TSHZ2: variants seen among roughly 807,000 people sequenced by gnomAD.
TSHZ2 encodes the protein teashirt zinc finger homeobox 2.
TSHZ2 carries 21 observed loss-of-function variants against 74.4 expected under a neutral mutation model. The ratio of observed to expected loss-of-function variants is 0.28; its 90% confidence interval spans 0.20 to 0.41. The LOEUF is 0.41. Ranked by LOEUF, TSHZ2 falls within the 10% of genes least tolerant of loss-of-function variation. The pLI, the probability that TSHZ2 is intolerant of heterozygous loss-of-function variation, is 1.00. For missense variants in TSHZ2, 1,244 were observed against 1,293.5 expected, an observed-to-expected ratio of 0.96 and a Z score of 0.59; for synonymous variants, 540 against 515.3, an observed-to-expected ratio of 1.05 and a Z score of -0.65.
chr20:53,227,180 A>G (rs1393626552), intron 1 of TSHZ2, among the ~76,000 whole-genome samples: 1 of 152,026 alleles, frequency 6.6e-6, no homozygotes, highest in East Asian at 1.9e-4. Context: ...AGATGATAAT[A>G]TATGTATGAG....
intron 2 of TSHZ2, among the ~76,000 whole-genome samples, chr20:53,449,687 C>CTACCCCCTT: frequency 6.6e-6 from 1 of 151,998 alleles, no homozygotes; most frequent in Non-Finnish European, 1.5e-5. Context: ...TATTAAAATC[C>CTACCCCCTT]TACCCCCTTC....
intron 2 of TSHZ2, among the ~76,000 whole-genome samples, chr20:53,479,183 A>G (rs1255391422): frequency 7.1e-6 from 1 of 140,928 alleles, no homozygotes; most frequent in Non-Finnish European, 1.5e-5. Flanking sequence ...AAAAAAAAAA[A>G]AAAAAGGAGA....
intron 2 of TSHZ2, among the ~76,000 whole-genome samples, chr20:53,417,081 C>G (rs1404831900): frequency 1.3e-5 from 2 of 152,188 alleles, no homozygotes; most frequent in African/African-American, 4.8e-5. Context: ...GGCCTGCACC[C>G]TCCCTCCTCC....
intron 1 of TSHZ2, among the ~76,000 whole-genome samples, chr20:53,184,298 T>C (rs1321886388): frequency 1.3e-5 from 2 of 152,256 alleles, no homozygotes; most frequent in Non-Finnish European, 2.9e-5. Context: ...CCATATGGCA[T>C]ATTCTGTACC....
intron 1 of TSHZ2, among the ~76,000 whole-genome samples, chr20:53,065,870 G>A (rs1207204893): frequency 6.6e-6 from 1 of 152,132 alleles, no homozygotes; most frequent in Admixed American, 6.5e-5. Context: ...GTCAAGTTAG[G>A]GCATGTAGGT....
intron 2 of TSHZ2, among the ~76,000 whole-genome samples, chr20:53,412,310 G>A (rs556646349): frequency 8.7e-4 from 133 of 152,364 alleles, no homozygotes; most frequent in Middle Eastern, 6.8e-3. Context: ...AAGGGAATGG[G>A]ACAAGAAAGG....
intron 1 of TSHZ2, among the ~76,000 whole-genome samples, chr20:53,228,830 G>A (rs1035067670): frequency 2.6e-5 from 4 of 152,138 alleles, no homozygotes; most frequent in Non-Finnish European, 5.9e-5. Context: ...GTCCAGTTGG[G>A]GGGAAAAATG....
chr20:53,061,698 G>T (rs565302869), intron 1 of TSHZ2, among the ~76,000 whole-genome samples: 1 of 152,204 alleles, frequency 6.6e-6, no homozygotes, highest in African/African-American at 2.4e-5. Context: ...ATCCAGCAAG[G>T]TTCCAGAAAG....
intron 2 of TSHZ2, among the ~76,000 whole-genome samples, chr20:53,438,061 T>G (rs1179938592): frequency 6.6e-6 from 1 of 151,596 alleles, no homozygotes; most frequent in African/African-American, 2.4e-5. Flanking sequence ...ACACAGCCTC[T>G]CAAATCTCCT....
At position 53,163,044 on chromosome 20, in the gene TSHZ2, A is replaced by G. The variant is rs553410085; in HGVS notation, c.41-90455A>G. Among the ~76,000 whole-genome samples, 4 of 152,358 alleles carry G rather than the reference A, an allele frequency of 2.6e-5. No individual in the cohort carries two copies. The South Asian group carries it at 8.3e-4, about 32-fold the overall frequency. On this transcript the variant is annotated intron_variant, in intron 1 of 2. Coordinates refer to ENST00000371497, the MANE Select transcript of TSHZ2 (RefSeq NM_173485.6). ...AATTTCCTCCATAGTCCTACTATAC[A>G]GAGGAAGATCCATTCTGTTTCCTGT...
At chr20:53,228,251 C>T (rs1989735757) in intron 1 of TSHZ2, among the ~76,000 whole-genome samples, 1 of 152,002 alleles carries the variant, frequency 6.6e-6, no homozygotes, top group Non-Finnish European at 1.5e-5. Context: ...CTCTCCCTTT[C>T]AACGTTGATG....
In TSHZ2 at chr20:53,245,459, G is replaced by A. The variant is rs73620438; in HGVS notation, c.41-8040G>A. Among the ~76,000 whole-genome samples the A allele has an allele frequency of 2.1e-3, 313 of 152,320 alleles. 4 individuals carry two copies. Among genetic ancestry groups the A allele is most frequent in the Admixed American group, 0.014 (215 of 15,312 alleles). On this transcript the variant is annotated intron_variant, in intron 1 of 2. Transcript: ENST00000371497. ...TTGGTCTCTGGAGAGGACAGGGGCT[G>A]AAAGTCCTCAAAGTTGTATGATCTT...
intron 1 of TSHZ2, among the ~76,000 whole-genome samples, chr20:53,231,760 C>T (rs1447240557): frequency 6.6e-6 from 1 of 152,216 alleles, no homozygotes; most frequent in East Asian, 1.9e-4. Flanking sequence ...CACTCACACA[C>T]TATTTGTTGC....
chr20:53,137,999 A>G (rs1600707597), intron 1 of TSHZ2, among the ~76,000 whole-genome samples: 1 of 152,226 alleles, frequency 6.6e-6, no homozygotes, highest in Admixed American at 6.5e-5. Context: ...CAGGACAAAA[A>G]TTGTGAAAGT....
chr20:53,213,553 GCA>G (rs139218910), intron 1 of TSHZ2, among the ~76,000 whole-genome samples: 1 of 151,824 alleles, frequency 6.6e-6, no homozygotes, highest in Non-Finnish European at 1.5e-5. Context: ...AAGCGAGGCT[GCA>G]CACACACACA....
At position 53,351,783 on chromosome 20, in the gene TSHZ2, A is replaced by C. The variant is rs149840886; in HGVS notation, c.*8+95212A>C. Among the ~76,000 whole-genome samples, 124 of 152,370 alleles carry C rather than the reference A, an allele frequency of 8.1e-4. 1 individual carries two copies. In the Middle Eastern group the frequency reaches 0.01, roughly 13 times the overall value. On this transcript the variant is annotated intron_variant, in intron 2 of 2. Transcript: ENST00000371497. ...CAAAGCTTCTTCCCCAGGTGGTAGC[A>C]AAAACAGACATCTTCCTCAAGGAGG...
chr20:53,391,588 T>C (rs558556120), intron 2 of TSHZ2, among the ~76,000 whole-genome samples: 2 of 152,206 alleles, frequency 1.3e-5, no homozygotes, highest in South Asian at 2.1e-4. Context: ...TGAGCCACCA[T>C]GTCCAGCCCA....
intron 2 of TSHZ2, among the ~76,000 whole-genome samples, chr20:53,400,660 A>C (rs1982624290): frequency 6.6e-6 from 1 of 152,128 alleles, no homozygotes; most frequent in Non-Finnish European, 1.5e-5. Flanking sequence ...CTCACCTTCA[A>C]TGGCTTCCTC....
rs972319418 is a variant in TSHZ2 at position 53,283,160 on chromosome 20, T to C, written c.*8+26589T>C. On this transcript the variant is annotated intron_variant, in intron 2 of 2. Transcript: ENST00000371497. ...AGTAGGATCATGGGTCCCCATGTTG[T>C]AGAAGAAAAAGCTAAGCCTTAAAGA... is the stretch of plus-strand genomic sequence containing the variant. 1.3e-4 allele frequency among the ~76,000 whole-genome samples: 20 copies of C among 152,264 alleles called. 1 individual carries two copies. The highest frequency in any genetic ancestry group is 5.8e-4 in the East Asian group (3 of 5,180).
Sources: gnomAD v4.1 joint callset for allele counts (sites outside exome capture counted in the v4.1 genomes callset) on GRCh38, gnomAD v4.1.1 for gene constraint, MANE v1.5 for transcripts, NCBI Gene and HGNC (gene_info 2026-07-23, HGNC 2026-07-21) for gene names.